NOL4: variants seen among roughly 807,000 people sequenced by gnomAD.
NOL4 encodes cancer/testis antigen 125.
NOL4 carries 17 observed loss-of-function variants against 75.9 expected under a neutral mutation model. That is an observed-to-expected ratio of 0.22 (90% CI 0.15 to 0.34). The LOEUF (loss-of-function observed/expected upper bound fraction) is 0.34. Ranked by LOEUF, NOL4 falls within the 10% of genes least tolerant of loss-of-function variation. The pLI is 1.00. For missense variants in NOL4, 614 were observed against 793.5 expected (o/e 0.77, Z 2.72); for synonymous variants, 292 against 289.9 (o/e 1.01, Z -0.07).
At chr18:33,984,336 A>G (rs2072253740) in intron 6 of NOL4, among the ~76,000 whole-genome samples, 1 of 152,104 alleles carries the variant, frequency 6.6e-6, no homozygotes, top group Admixed American at 6.6e-5. Context: ...AGACTTACAT[A>G]GAAATATCCC....
At chr18:34,106,987 G>T (rs1246054564) in intron 2 of NOL4, among the ~76,000 whole-genome samples, 2 of 152,118 alleles carry the variant, frequency 1.3e-5, no homozygotes, top group East Asian at 1.9e-4. Flanking sequence ...GGTTTTTCTA[G>T]ATTTCTATTA....
intron 6 of NOL4, among the ~76,000 whole-genome samples, chr18:33,973,404 T>C (rs530112039): frequency 6.6e-6 from 1 of 152,300 alleles, no homozygotes; most frequent in East Asian, 1.9e-4. Context: ...TTCATGAGGG[T>C]TGGAATCAAC....
At chr18:34,006,868 A>G (rs2074056808) in intron 6 of NOL4, among the ~76,000 whole-genome samples, 1 of 152,006 alleles carries the variant, frequency 6.6e-6, no homozygotes, top group African/African-American at 2.4e-5. Context: ...TTCAAAGGCT[A>G]CATGTGCTTC....
intron 9 of NOL4, among the ~76,000 whole-genome samples, chr18:33,916,170 C>T (rs1166396021): frequency 6.6e-6 from 1 of 152,074 alleles, no homozygotes; most frequent in Admixed American, 6.6e-5. Flanking sequence ...TGCTATGCTT[C>T]TATTTTCTGA....
chr18:34,099,135 G>A (rs1346563395), intron 4 of NOL4, among the ~76,000 whole-genome samples: 2 of 151,866 alleles, frequency 1.3e-5, no homozygotes, highest in Non-Finnish European at 2.9e-5. Context: ...GGCTGAGGCA[G>A]GTGGATCACC....
At chr18:34,107,255 G>T (rs1406953358) in intron 2 of NOL4, among the ~76,000 whole-genome samples, 2 of 151,984 alleles carry the variant, frequency 1.3e-5, no homozygotes, top group Non-Finnish European at 2.9e-5. Context: ...TATCACATTA[G>T]TTTTATAGCT....
At chr18:34,147,009 G>T (rs955159457) in intron 1 of NOL4, among the ~76,000 whole-genome samples, 3 of 151,928 alleles carry the variant, frequency 2.0e-5, no homozygotes, top group African/African-American at 7.3e-5. Context: ...TCATGATTTG[G>T]CTCTCTGTTT....
intron 1 of NOL4, among the ~76,000 whole-genome samples, chr18:34,143,710 C>A (rs1243973939): frequency 2.0e-5 from 3 of 151,630 alleles, no homozygotes; most frequent in African/African-American, 7.3e-5. Context: ...GCTAAAGATA[C>A]AAAAATTAGC....
chr18:33,944,890 T>C (rs188104125), intron 8 of NOL4, among the ~76,000 whole-genome samples: 44 of 151,986 alleles, frequency 2.9e-4, no homozygotes, highest in African/African-American at 8.7e-4. Context: ...AATTAAGCTA[T>C]AAAATCAGTC....
chr18:34,197,909 T>C (rs2035453050), intron 1 of NOL4, among the ~76,000 whole-genome samples: 1 of 151,892 alleles, frequency 6.6e-6, no homozygotes, highest in African/African-American at 2.4e-5. Flanking sequence ...ATTTTTATCA[T>C]GTGGGTTGTT....
intron 5 of NOL4, among the ~76,000 whole-genome samples, chr18:34,092,803 T>C (rs886704948): frequency 1.1e-4 from 16 of 152,194 alleles, no homozygotes; most frequent in African/African-American, 3.6e-4. Flanking sequence ...ACAAAGGTAG[T>C]GTTCAAAGAT....
At chr18:34,142,312 C>T (rs1398578208) in intron 1 of NOL4, among the ~76,000 whole-genome samples, 1 of 152,124 alleles carries the variant, frequency 6.6e-6, no homozygotes, top group Admixed American at 6.6e-5. Flanking sequence ...ACCATTTGAC[C>T]CAGCCATCCC....
intron 9 of NOL4, among the ~76,000 whole-genome samples, chr18:33,920,407 A>G (rs2066964216): frequency 6.6e-6 from 1 of 152,256 alleles, no homozygotes; most frequent in Admixed American, 6.5e-5. Context: ...ACTTTAAATT[A>G]TGTGCCTTCA....
intron 10 of NOL4, among the ~76,000 whole-genome samples, chr18:33,853,576 GGACTT>G (rs1371789230): frequency 3.9e-5 from 6 of 152,188 alleles, no homozygotes; most frequent in South Asian, 4.1e-4. Context: ...GGCACAACCA[GGACTT>G]GACTTAAGTA....
In NOL4 at chr18:33,852,439, T is replaced by TTC. The variant is rs990462528; in HGVS notation, c.*402_*403insGA. 1.3e-5 allele frequency: 2 copies of TTC among 152,620 alleles called. No homozygotes were observed. Among genetic ancestry groups the TTC allele is most frequent in the Non-Finnish European group, 2.9e-5 (2 of 68,640 alleles). The allele number at this position is 152,620 out of a possible 1,614,324, so 9.5% of individuals were successfully genotyped here. The stretch of plus-strand genomic sequence containing the variant: ...AGAAATTTGGCTTTTTTTTTTCTTT[T>TTC]TTTTTTTTTTGCCAGGTACTTCAGC... On this transcript the variant is annotated 3_prime_UTR_variant, in exon 11 of 11. Coordinates refer to ENST00000261592, the MANE Select transcript of NOL4 (RefSeq NM_003787.5).
chr18:34,213,086 T>C (rs749886127), intron 1 of NOL4, among the ~76,000 whole-genome samples: 4 of 152,086 alleles, frequency 2.6e-5, no homozygotes, highest in Non-Finnish European at 5.9e-5. Flanking sequence ...CATCTGAGAC[T>C]CATCCTAGGA....
intron 6 of NOL4, among the ~76,000 whole-genome samples, chr18:33,960,056 C>G (rs990909056): frequency 6.6e-6 from 1 of 151,984 alleles, no homozygotes; most frequent in Non-Finnish European, 1.5e-5. Flanking sequence ...GTGATTTCCC[C>G]TAAAACTGCT....
At chr18:34,192,747 A>G (rs928013281) in intron 1 of NOL4, among the ~76,000 whole-genome samples, 14 of 152,144 alleles carry the variant, frequency 9.2e-5, no homozygotes, top group Admixed American at 7.2e-4. Flanking sequence ...TTAATCCCCA[A>G]TGCAACAGTG....
chr18:33,969,196 C>T (rs769166553), intron 6 of NOL4, among the ~76,000 whole-genome samples: 8 of 152,148 alleles, frequency 5.3e-5, no homozygotes, highest in Non-Finnish European at 7.4e-5. Context: ...TCAAATCCAA[C>T]ATGCAACTTA....
Sources: allele counts gnomAD v4.1 joint callset (sites outside exome capture counted in the v4.1 genomes callset), GRCh38; gene constraint gnomAD v4.1.1; transcripts MANE v1.5; gene names NCBI Gene and HGNC (gene_info 2026-07-23, HGNC 2026-07-21).